The following SPTLC3 variants were observed in gnomAD, a reference collection of about 807,000 sequenced individuals.
SPTLC3 encodes serine palmitoyltransferase long chain base subunit 3, also known as serine palmitoyltransferase 3.
A neutral mutation model predicts 59.3 loss-of-function variants in SPTLC3; 36 were observed. The observed-to-expected ratio is 0.61, with a 90% CI of 0.47 to 0.80. The LOEUF (loss-of-function observed/expected upper bound fraction) is 0.80, where lower values mean the gene tolerates loss of function less well. Ranked by LOEUF, SPTLC3 falls within the 30% of genes least tolerant of loss-of-function variation. The pLI is 0.00. For missense variants in SPTLC3, 625 were observed against 685.1 expected, an observed-to-expected ratio of 0.91 and a Z score of 0.98; for synonymous variants, 257 against 240.8, an observed-to-expected ratio of 1.07 and a Z score of -0.62.
chr20:13,160,219 T>C, intron 11 of SPTLC3, 87 bp downstream of exon 11: 1 of 1,454,854 alleles, frequency 6.9e-7, no homozygotes, highest in East Asian at 2.4e-5. Flanking sequence ...TGGGGTTCTC[T>C]GGGTTTCTCT....
intron 4 of SPTLC3, among the ~76,000 whole-genome samples, chr20:13,081,510 TGCA>T (rs1169182295): frequency 6.6e-6 from 1 of 152,218 alleles, no homozygotes; most frequent in Non-Finnish European, 1.5e-5. Context: ...AGCCTAAATA[TGCA>T]ATATGCCTAA....
At chr20:13,010,094 A>C (rs900079756) in intron 1 of SPTLC3, among the ~76,000 whole-genome samples, 3 of 151,348 alleles carry the variant, frequency 2.0e-5, no homozygotes, top group African/African-American at 7.3e-5. Flanking sequence ...TGTCCTAGGC[A>C]GGAGGAACTC....
Position 13,110,165 on chromosome 20 carries a change from C to T in SPTLC3, c.880C>T (p.Arg294Ter), listed in dbSNP as rs1348078408. 7 of 1,613,458 alleles carry T rather than the reference C, an allele frequency of 4.3e-6. No homozygotes were observed. The highest frequency in any genetic ancestry group is 1.3e-5 in the African/African-American group (1 of 74,826). The change falls in exon 7 of 12, where the codon CGA becomes TGA. Residue 294 changes from arginine to a stop codon, truncating the protein, a stop_gained. Transcript: ENST00000399002. LOFTEE classifies it high-confidence loss of function. ...AGATGCTGTCATCTATGGCCAGCCTCGAACCCGCAGAGCTTGGAAAAAGAT... is the reference window on the plus strand; with the variant it reads ...AGATGCTGTCATCTATGGCCAGCCTTGAACCCGCAGAGCTTGGAAAAAGAT... ...LRDAVIYGQP[R>*]TRRAWKKILI...
intron 8 of SPTLC3, among the ~76,000 whole-genome samples, chr20:13,124,942 T>G (rs936690369): frequency 2.0e-5 from 3 of 152,136 alleles, no homozygotes; most frequent in Non-Finnish European, 2.9e-5. Flanking sequence ...AAGGAAGACA[T>G]AGCGAAGACA....
At chr20:13,122,370 A>T (rs1200211206) in intron 8 of SPTLC3, among the ~76,000 whole-genome samples, 1 of 152,240 alleles carries the variant, frequency 6.6e-6, no homozygotes, top group Non-Finnish European at 1.5e-5. Context: ...AAAGAGGAAC[A>T]GTCTCTGGGT....
chr20:13,128,711 GAC>G (rs2038050836), intron 9 of SPTLC3, among the ~76,000 whole-genome samples: 1 of 151,890 alleles, frequency 6.6e-6, no homozygotes, highest in African/African-American at 2.4e-5. Context: ...TAAAATTTGA[GAC>G]AGAGTCTTGC....
chr20:13,113,081 G>A (rs926223392), intron 7 of SPTLC3, among the ~76,000 whole-genome samples: 3 of 152,132 alleles, frequency 2.0e-5, no homozygotes, highest in African/African-American at 7.2e-5. Flanking sequence ...TACTGAGGAG[G>A]CTAAGGCACA....
At chr20:13,026,820 A>C (rs963731527) in intron 1 of SPTLC3, among the ~76,000 whole-genome samples, 3 of 152,064 alleles carry the variant, frequency 2.0e-5, no homozygotes, top group Non-Finnish European at 4.4e-5. Flanking sequence ...GAACTTTCTG[A>C]AAAACTGTTA....
At chr20:13,160,884 T>C (rs2038882499) in intron 11 of SPTLC3, among the ~76,000 whole-genome samples, 1 of 152,200 alleles carries the variant, frequency 6.6e-6, no homozygotes, top group African/African-American at 2.4e-5. Flanking sequence ...GTGGAGAAGA[T>C]TCACAGGGGA....
intron 5 of SPTLC3, 139 bp downstream of exon 5, chr20:13,091,346 G>A (rs563275411): frequency 5.1e-5 from 54 of 1,051,136 alleles, no homozygotes; most frequent in South Asian, 2.6e-4. Flanking sequence ...AGCCCAAGGC[G>A]GGCGGATCAC....
At chr20:13,056,448 ACTTTTTTT>A (rs1356274555) in intron 2 of SPTLC3, among the ~76,000 whole-genome samples, 4 of 91,244 alleles carry the variant, frequency 4.4e-5, no homozygotes, top group African/African-American at 1.7e-4. Context: ...TGACGCTTTA[ACTTTTTTT>A]CTTTTTTTTT....
intron 2 of SPTLC3, among the ~76,000 whole-genome samples, chr20:13,069,649 C>T (rs547262984): frequency 6.6e-6 from 1 of 152,270 alleles, no homozygotes; most frequent in South Asian, 2.1e-4. Context: ...GGCCTGGTTC[C>T]TAACAGGCCA....
intron 9 of SPTLC3, among the ~76,000 whole-genome samples, chr20:13,152,545 A>C (rs963304165): frequency 5.9e-5 from 9 of 152,182 alleles, no homozygotes; most frequent in African/African-American, 2.2e-4. Context: ...TATCATTCTC[A>C]AGCAGGCTTC....
intron 9 of SPTLC3, 101 bp downstream of exon 9, chr20:13,126,818 C>T: frequency 7.0e-7 from 1 of 1,422,992 alleles, no homozygotes; most frequent in Non-Finnish European, 9.3e-7. Flanking sequence ...TCTTATAGAA[C>T]CCTATTTGTA....
chr20:13,051,861 C>T (rs1987506569), intron 2 of SPTLC3, among the ~76,000 whole-genome samples: 2 of 152,098 alleles, frequency 1.3e-5, no homozygotes, highest in South Asian at 4.1e-4. Flanking sequence ...ATGAAATCAA[C>T]ATGGAAATTA....
chr20:13,079,597 G>C (rs1988768264), intron 4 of SPTLC3, among the ~76,000 whole-genome samples: 1 of 152,242 alleles, frequency 6.6e-6, no homozygotes, highest in African/African-American at 2.4e-5. Context: ...ATTCAAATAT[G>C]AAATGCACTT....
chr20:13,102,959 T>C (rs882301), intron 6 of SPTLC3, among the ~76,000 whole-genome samples: 115,507 of 152,046 alleles, frequency 0.76, 44,867 homozygotes, highest in African/African-American at 0.93. Flanking sequence ...ACCTGCCTCA[T>C]CCATAAGCCC....
At chr20:13,073,875 T>C in intron 3 of SPTLC3, 1 of 539,346 alleles carries the variant, frequency 1.9e-6, no homozygotes, top group Non-Finnish European at 3.6e-6. Flanking sequence ...TAATAAATTC[T>C]TTATAGGACG....
chr20:13,028,497 T>A (rs1359165637), intron 1 of SPTLC3, among the ~76,000 whole-genome samples: 3 of 152,206 alleles, frequency 2.0e-5, no homozygotes, highest in African/African-American at 7.2e-5. Context: ...ATTATGGACA[T>A]GATGTCTGAT....
Sources: allele counts gnomAD v4.1 joint callset (sites outside exome capture counted in the v4.1 genomes callset), GRCh38; gene constraint gnomAD v4.1.1; transcripts MANE v1.5; gene names NCBI Gene and HGNC (gene_info 2026-07-23, HGNC 2026-07-21).